Variants in HVCN1 observed in about 807,000 individuals in gnomAD.
HVCN1 encodes the protein hydrogen voltage gated channel 1, also known as voltage-gated hydrogen channel 1.
A neutral mutation model predicts 29.2 loss-of-function variants in HVCN1; 14 were observed. That is an observed-to-expected ratio of 0.48 (90% confidence interval 0.32 to 0.75). The LOEUF (loss-of-function observed/expected upper bound fraction) is 0.75. Among genes scored for constraint, HVCN1 ranks in the 30% least tolerant of loss-of-function variants. The pLI is 0.04. For missense variants in HVCN1, 263 were observed against 341.8 expected (o/e 0.77, Z 1.82); for synonymous variants, 131 against 133.2 (o/e 0.98, Z 0.11).
At chr12:110,681,773 T>C (rs969321948) in intron 3 of HVCN1, among the ~76,000 whole-genome samples, 2 of 152,154 alleles carry the variant, frequency 1.3e-5, no homozygotes, top group African/African-American at 4.8e-5. Context: ...CTCGCCAGCT[T>C]GGCCTGGCTA....
At chr12:110,689,185 G>T (rs544283854), upstream of HVCN1, 1 of 149,582 alleles carries the variant, frequency 6.7e-6, no homozygotes, top group South Asian at 2.1e-4. This position sits in a 1 kb window ranked among gnomAD's most constrained non-coding sequence, Gnocchi z 5.7. Flanking sequence ...CCCCGCCCGG[G>T]CCGCCCCCGC....
chr12:110,658,892 A>G lies in HVCN1; in HGVS notation c.306+2272T>C. 6.6e-6 allele frequency among the ~76,000 whole-genome samples: 1 copy of G among 152,240 alleles called. No individual in the cohort carries two copies. The highest frequency in any genetic ancestry group is 1.9e-4 in the East Asian group (1 of 5,198). ...ACAGGCATTCGTCTTTTTCCCCAGC[A>G]GGAGTATCTGGGTGTCCCAGCTCAG... is the stretch of plus-strand genomic sequence containing the variant. On this transcript the variant is annotated intron_variant, in intron 4 of 7. Coordinates refer to ENST00000242607, the MANE Select transcript of HVCN1 (RefSeq NM_032369.4). This position sits in a 1 kb window ranked among gnomAD's most constrained non-coding sequence, Gnocchi z 5.0.
intron 3 of HVCN1, among the ~76,000 whole-genome samples, chr12:110,679,696 A>T (rs1170136556): frequency 6.6e-6 from 1 of 152,224 alleles, no homozygotes; most frequent in East Asian, 1.9e-4. Flanking sequence ...TACTAAAAAT[A>T]CAAAAAATTA....
At chr12:110,673,765 T>C (rs559948213) in intron 3 of HVCN1, among the ~76,000 whole-genome samples, 1 of 152,276 alleles carries the variant, frequency 6.6e-6, no homozygotes, top group Non-Finnish European at 1.5e-5. Context: ...TGCACAGAAG[T>C]CAAGAATTGA....
rs1239799841 is a variant in HVCN1 at position 110,666,254 on chromosome 12, T to TA, written c.22-4807dup. Reference sequence around the variant, plus strand: ...TAACATGGTGAAACCCCATCTCTACTAAAAAAAAATACAAAAAAATTAGCC... The same window carrying TA: ...TAACATGGTGAAACCCCATCTCTACTAAAAAAAAAATACAAAAAAATTAGCC... On this transcript the variant is annotated intron_variant, in intron 3 of 7. Transcript: ENST00000242607. Among the ~76,000 whole-genome samples, 16 of 148,684 alleles carry TA rather than the reference T, an allele frequency of 1.1e-4. No homozygotes were observed. In the East Asian group the frequency reaches 1.4e-3, roughly 13 times the overall value.
upstream of HVCN1, among the ~76,000 whole-genome samples, chr12:110,694,088 G>T (rs73194021): frequency 5.3e-5 from 8 of 152,030 alleles, no homozygotes; most frequent in African/African-American, 1.9e-4. This position sits in a 1 kb window ranked among gnomAD's most constrained non-coding sequence, Gnocchi z 4.6. Flanking sequence ...TTAGGGATGG[G>T]GTCTTGCTCT....
chr12:110,664,684 A>G (rs1187102631), intron 3 of HVCN1, among the ~76,000 whole-genome samples: 2 of 152,320 alleles, frequency 1.3e-5, no homozygotes, highest in South Asian at 4.1e-4. Flanking sequence ...GGCAAAGACT[A>G]TAGTTCAAAG....
At chr12:110,668,442 T>G (rs2136338272) in intron 3 of HVCN1, among the ~76,000 whole-genome samples, 2 of 152,140 alleles carry the variant, frequency 1.3e-5, no homozygotes, top group Non-Finnish European at 2.9e-5. Context: ...GAGGCAGAGG[T>G]TGCAGTGAGC....
chr12:110,680,926 T>A (rs1302259058), intron 3 of HVCN1, among the ~76,000 whole-genome samples: 3 of 152,090 alleles, frequency 2.0e-5, no homozygotes, highest in Non-Finnish European at 2.9e-5. Context: ...CCAGGCCCTG[T>A]CTCAAAAAAA....
chr12:110,695,152 C>G (rs921423556), intron 2 of HVCN1, among the ~76,000 whole-genome samples: 3 of 152,108 alleles, frequency 2.0e-5, no homozygotes, highest in African/African-American at 7.2e-5. Flanking sequence ...CTCACGCCTG[C>G]AATCCCAGCA....
At chr12:110,685,567 C>T (rs894007442) in intron 2 of HVCN1, among the ~76,000 whole-genome samples, 1 of 152,200 alleles carries the variant, frequency 6.6e-6, no homozygotes, top group African/African-American at 2.4e-5. Context: ...CATGGCTGCA[C>T]ATGAGTCCCC....
chr12:110,659,239 A>G (rs1566034166), intron 4 of HVCN1, among the ~76,000 whole-genome samples: 1 of 152,084 alleles, frequency 6.6e-6, no homozygotes. Flanking sequence ...TAAAGTCAGC[A>G]ATGGAAGAGG....
intron 3 of HVCN1, among the ~76,000 whole-genome samples, chr12:110,662,446 A>T (rs1314997822): frequency 6.6e-6 from 1 of 152,226 alleles, no homozygotes; most frequent in East Asian, 1.9e-4. Context: ...TCATGCCTAT[A>T]ATCCCAGCAC....
At chr12:110,660,886 A>C (rs576497970) in intron 4 of HVCN1, among the ~76,000 whole-genome samples, 1 of 152,326 alleles carries the variant, frequency 6.6e-6, no homozygotes, top group Admixed American at 6.5e-5. Context: ...TGATGTTGGA[A>C]TCATATTCCA....
At position 110,667,055 on chromosome 12, in the gene HVCN1, G is replaced by A. The variant is rs184416183; in HGVS notation, c.22-5607C>T. On this transcript the variant is annotated intron_variant, in intron 3 of 7. Coordinates refer to ENST00000242607, the MANE Select transcript of HVCN1 (RefSeq NM_032369.4). ...CTCCCATGCTGGGCTCATCTCGGCC[G>A]GACCAAACATCTCTGGACTCCCAGG... 9.5e-4 allele frequency among the ~76,000 whole-genome samples: 144 copies of A among 152,254 alleles called. 3 individuals are homozygous for A. The East Asian group carries it at 0.011, about 11-fold the overall frequency.
At chr12:110,672,387 C>T (rs1304121862) in intron 3 of HVCN1, among the ~76,000 whole-genome samples, 11 of 152,188 alleles carry the variant, frequency 7.2e-5, no homozygotes, top group South Asian at 4.1e-4. Context: ...CGGAAACCAC[C>T]TCAAAGTCTG....
At chr12:110,660,083 G>T (rs2068117507) in intron 4 of HVCN1, among the ~76,000 whole-genome samples, 1 of 149,112 alleles carries the variant, frequency 6.7e-6, no homozygotes, top group South Asian at 2.1e-4. Context: ...ATCAATCAAT[G>T]GCAGGACAGT....
At position 110,703,135 on chromosome 12, in the gene HVCN1, C is replaced by T. The variant is rs965987443; in HGVS notation, c.-228-702G>A. Among the ~76,000 whole-genome samples, 8 of 145,870 alleles carry T rather than the reference C, an allele frequency of 5.5e-5. No individual in the cohort carries two copies. The East Asian group carries it at 6.0e-4, about 11-fold the overall frequency. ...CAAGGCTTGGTGCAGTGGCTCCCAG[C>T]GCTTTGGGAGGATCATTTGAGCCCG... On this transcript the variant is annotated intron_variant, in intron 1 of 4. Coordinates refer to the HVCN1 transcript ENST00000546713.
intron 7 of HVCN1, among the ~76,000 whole-genome samples, chr12:110,649,941 G>A (rs780774513): frequency 1.3e-5 from 2 of 152,160 alleles, no homozygotes; most frequent in Non-Finnish European, 2.9e-5. Context: ...CACCTCCCGG[G>A]TTCAAGCAAT....
Sources: gnomAD v4.1 joint callset for allele counts (sites outside exome capture counted in the v4.1 genomes callset) on GRCh38, gnomAD v4.1.1 for gene constraint, Gnocchi (gnomAD v3.1) non-coding constraint, MANE v1.5 for transcripts, NCBI Gene and HGNC (gene_info 2026-07-23, HGNC 2026-07-21) for gene names.